Variants in PSG6 observed in about 807,000 individuals in gnomAD.
PSG6 encodes the protein pregnancy-specific beta-1-glycoprotein 6.
Under a neutral mutation model 43.3 loss-of-function variants are expected in PSG6, and 51 were observed. The ratio of observed to expected loss-of-function variants is 1.18; its 90% confidence interval spans 0.94 to 1.49. The LOEUF (loss-of-function observed/expected upper bound fraction) is 1.49. Among genes scored for constraint, PSG6 ranks in the 40% most tolerant of loss-of-function variants. PSG6 has a pLI of 0.00. For synonymous variants in PSG6, 292 were observed against 197.6 expected (o/e 1.48, Z -4.01); for missense variants, 770 against 522.2 (o/e 1.47, Z -4.62).
chr19:42,910,736 G>T lies in PSG6; in HGVS notation c.550C>A (p.Gln184Lys), dbSNP rs1238898452. Reference sequence around the variant, plus strand: ...AACCTGTGAGTCATAGGGAGGTTCTGACCATTCAGCAACCACAGGTAGCTT... The same window carrying T: ...AACCTGTGAGTCATAGGGAGGTTCTTACCATTCAGCAACCACAGGTAGCTT... Reference protein sequence around the residue: ...DASYLWLLNGQNLPMTHRLQL... With the variant: ...DASYLWLLNGKNLPMTHRLQL... The change falls in exon 3 of 6, where the codon CAG becomes AAG. Residue 184 changes from glutamine to lysine, a missense_variant. Coordinates refer to ENST00000187910, the MANE Select transcript of PSG6 (RefSeq NM_001031850.4). 3.7e-6 allele frequency: 6 copies of T among 1,612,372 alleles called. No individual in the cohort carries two copies. The highest frequency in any genetic ancestry group is 2.2e-5 in the East Asian group (1 of 44,792).
At chr19:42,910,378 T>G (rs1231559738) in intron 3 of PSG6, 1 of 1,355,750 alleles carries the variant, frequency 7.4e-7, no homozygotes. Flanking sequence ...GAGTCTCCCA[T>G]GACAGGAGAA....
chr19:42,916,745 C>G (rs8100533), intron 1 of PSG6, among the ~76,000 whole-genome samples: 20,385 of 150,750 alleles, frequency 0.14, 1,788 homozygotes, highest in Admixed American at 0.18. Context: ...TTTCTGTTTG[C>G]AATCCTCTTC....
rs770532667 is a variant in PSG6, at chr19:42,917,688, G to T, written c.64+41C>A. On this transcript the variant is annotated intron_variant, in intron 1 of 5. Coordinates refer to ENST00000187910, the MANE Select transcript of PSG6 (RefSeq NM_001031850.4). ...CCAGGATACCCCATCCAGTCACTCT[G>T]CTTCCTCCTCCTGTCCTCTCCCAGG... 94 of 1,602,762 alleles carry T rather than the reference G, an allele frequency of 5.9e-5. 4 individuals carry two copies. Among genetic ancestry groups the T allele is most frequent in the Non-Finnish European group, 7.6e-5 (89 of 1,172,416 alleles).
intron 2 of PSG6, 97 bp from the exon 3 acceptor site, chr19:42,910,955 C>T: frequency 2.0e-6 from 3 of 1,518,580 alleles, no homozygotes; most frequent in South Asian, 1.3e-5. Flanking sequence ...CCTCTCAGCC[C>T]ACCCAAGTCC....
chr19:42,904,477 G>C (rs1157461546), intron 5 of PSG6, among the ~76,000 whole-genome samples: 1 of 151,624 alleles, frequency 6.6e-6, no homozygotes, highest in Non-Finnish European at 1.5e-5. Flanking sequence ...AACATCAGTT[G>C]TATTTCAATA....
At chr19:42,903,674 G>A (rs1299318377) in intron 5 of PSG6, 2 of 1,527,422 alleles carry the variant, frequency 1.3e-6, no homozygotes, top group Non-Finnish European at 8.8e-7. Flanking sequence ...AGGATTTCTT[G>A]AAACCAGGTG....
intron 2 of PSG6, among the ~76,000 whole-genome samples, chr19:42,911,949 A>G (rs1318186387): frequency 6.6e-6 from 1 of 151,604 alleles, no homozygotes; most frequent in Admixed American, 6.6e-5. Flanking sequence ...TCTGTTATGC[A>G]GGATGAGGAG....
chr19:42,912,385 T>G (rs1568446054), intron 2 of PSG6, among the ~76,000 whole-genome samples: 1 of 151,708 alleles, frequency 6.6e-6, no homozygotes. Context: ...GATCAATTGC[T>G]GGTAGTCATA....
Position 42,907,063 on chromosome 19 carries a change from T to C in PSG6, c.1099A>G (p.Ile367Val), listed in dbSNP as rs1600540518. ...CCTGATAGCTGAAACTTCCCATTAA[T>C]TGTCCAAGAATACTCTGCCGGTGGG... The part of the protein sequence containing the change: ...SNPPAEYSWT[I>V]NGKFQLSGQK... Residue 367 changes from isoleucine to valine, a missense_variant, in exon 5 of 6, where the codon ATT (isoleucine) becomes GTT (valine). By Grantham distance (29) the Ile-to-Val change is conservative (BLOSUM62 3). Transcript: ENST00000187910. 1.9e-6 allele frequency: 3 copies of C among 1,612,704 alleles called. No individual in the cohort carries two copies. The highest frequency in any genetic ancestry group is 2.5e-6 in the Non-Finnish European group (3 of 1,179,238).
Position 42,910,036 on chromosome 19 carries a change from C to T in PSG6, c.706+544G>A, listed in dbSNP as rs899097209. On this transcript the variant is annotated intron_variant, in intron 3 of 5. Coordinates refer to ENST00000187910, the MANE Select transcript of PSG6 (RefSeq NM_001031850.4). ...ATTTGGGGTATAAAGAACACTTGTG[C>T]TGATTGCTGGAACTTCCCATCAATC... is the stretch of plus-strand genomic sequence containing the variant. 2.7e-5 allele frequency: 5 copies of T among 186,830 alleles called. 1 individual carries two copies. The highest frequency in any genetic ancestry group is 5.4e-5 in the Admixed American group (1 of 18,682). 11.6% of individuals were successfully genotyped at this position (186,830 alleles called of 1,614,324 possible).
In PSG6 at chr19:42,909,727, T is replaced by A. The variant is rs184216507; in HGVS notation, c.706+853A>T. The stretch of plus-strand genomic sequence containing the variant: ...TTCCTTTCAGATTGTTCATTGTTAG[T>A]GTATTGTCTAAAGAATGATCTAGAA... On this transcript the variant is annotated intron_variant, in intron 3 of 5. Coordinates refer to ENST00000187910, the MANE Select transcript of PSG6 (RefSeq NM_001031850.4). 7 of 151,816 alleles carry A rather than the reference T, an allele frequency of 4.6e-5. No homozygotes were observed. In the East Asian group the frequency reaches 1.4e-3, roughly 29 times the overall value. The allele number at this position is 151,816 out of a possible 1,614,324, so 9.4% of individuals were successfully genotyped here.
intron 2 of PSG6, among the ~76,000 whole-genome samples, chr19:42,913,585 G>A (rs567523460): frequency 1.3e-5 from 2 of 151,880 alleles, no homozygotes; most frequent in South Asian, 4.2e-4. Flanking sequence ...CGGAGAATGT[G>A]AGCTCCATAG....
At chr19:42,904,878 T>A (rs1421171903) in intron 5 of PSG6, among the ~76,000 whole-genome samples, 2 of 151,696 alleles carry the variant, frequency 1.3e-5, no homozygotes, top group African/African-American at 4.8e-5. Context: ...ACTTCCTGAT[T>A]TCAGCATTTA....
chr19:42,916,216 T>G lies in PSG6; in HGVS notation c.336A>C (p.Thr112=), dbSNP rs73553510. 586 of 1,612,170 alleles carry G rather than the reference T, an allele frequency of 3.6e-4. 13 individuals carry two copies. The African/African-American group carries it at 5.0e-3, about 14-fold the overall frequency. Residue 112 remains threonine, a synonymous_variant, in exon 2 of 6, where the codon ACA becomes ACC. Coordinates refer to ENST00000187910, the MANE Select transcript of PSG6 (RefSeq NM_001031850.4). ...AGGTGTAGGATCCTGCATCCTCCTG[T>G]GTGACATTCTGGATCAGCAGGGATG... is the stretch of plus-strand genomic sequence containing the variant. The part of the protein sequence containing the change: ...SNASLLIQNV[T]QEDAGSYTLH...
At chr19:42,913,730 T>C (rs375695259) in intron 2 of PSG6, among the ~76,000 whole-genome samples, 3 of 151,856 alleles carry the variant, frequency 2.0e-5, no homozygotes, top group African/African-American at 7.2e-5. Context: ...CTCATTCTTT[T>C]GCCTTCTGAC....
In PSG6 at chr19:42,907,954, G is replaced by A. The variant is rs768536199; in HGVS notation, c.707-100C>T. On this transcript the variant is annotated intron_variant, in intron 3 of 5. Coordinates refer to ENST00000187910, the MANE Select transcript of PSG6 (RefSeq NM_001031850.4). The stretch of plus-strand genomic sequence containing the variant: ...ATCTCCCACCTGTCAACCCACATGA[G>A]TCCTTGAAAGCCAGTAGCTGGTGCA... 3.3e-6 allele frequency: 5 copies of A among 1,501,554 alleles called. No individual in the cohort carries two copies. In the South Asian group the frequency reaches 6.3e-5, roughly 19 times the overall value. 93.0% of individuals were successfully genotyped at this position (1,501,554 alleles called of 1,614,324 possible). A position where few individuals can be genotyped will look rare whatever the true frequency, so the allele number is the denominator to read the frequency against.
Position 42,902,157 on chromosome 19 carries a change from C to T in PSG6, c.*255G>A, listed in dbSNP as rs1972044551. 2.3e-6 allele frequency: 1 copy of T among 430,218 alleles called. No homozygotes were observed. Among genetic ancestry groups the T allele is most frequent in the African/African-American group, 2.0e-5 (1 of 49,662 alleles). The allele number at this position is 430,218 out of a possible 1,614,324, so 26.7% of individuals were successfully genotyped here. On this transcript the variant is annotated 3_prime_UTR_variant, in exon 6 of 6. Transcript: ENST00000187910. Reference sequence around the variant, plus strand: ...TGAATAGTTTCCCAATTCTGGGGCACTCAGATAGAGAGCAAAAGCAAATGT... The same window carrying T: ...TGAATAGTTTCCCAATTCTGGGGCATTCAGATAGAGAGCAAAAGCAAATGT...
Position 42,912,137 on chromosome 19 carries a change from G to C in PSG6, c.428-1279C>G, listed in dbSNP as rs548897125. ...GAAAAATTTAAAATCCACAATGCGC[G>C]AGTGAGCACTTCTTTTTAGCATCAC... On this transcript the variant is annotated intron_variant, in intron 2 of 5. Transcript: ENST00000187910. 2.8e-4 allele frequency among the ~76,000 whole-genome samples: 43 copies of C among 151,730 alleles called. 1 individual carries two copies. The highest frequency in any genetic ancestry group is 4.6e-4 in the Admixed American group (7 of 15,196).
At chr19:42,913,363 G>T (rs1972264213) in intron 2 of PSG6, among the ~76,000 whole-genome samples, 2 of 151,644 alleles carry the variant, frequency 1.3e-5, no homozygotes, top group African/African-American at 4.8e-5. Context: ...TGTTAGCCAG[G>T]ATGGTCTCTA....
Sources: gnomAD v4.1 joint callset for allele counts (sites outside exome capture counted in the v4.1 genomes callset) on GRCh38, gnomAD v4.1.1 for gene constraint, MANE v1.5 for transcripts, NCBI Gene and HGNC (gene_info 2026-07-23, HGNC 2026-07-21) for gene names.